Variants in MECOM observed in about 807,000 individuals in gnomAD.
The protein encoded by MECOM is histone-lysine N-methyltransferase MECOM.
MECOM carries 13 observed loss-of-function variants against 116.3 expected under a neutral mutation model. That is an observed-to-expected ratio of 0.11 (90% CI 0.07 to 0.18). The LOEUF is 0.18. Ranked by LOEUF, MECOM falls within the 10% of genes least tolerant of loss-of-function variation. MECOM has a pLI of 1.00. For synonymous variants in MECOM, 528 were observed against 535.2 expected (o/e 0.99, Z 0.19); for missense variants, 1,299 against 1,509.0 (o/e 0.86, Z 2.31).
intron 1 of MECOM, among the ~76,000 whole-genome samples, chr3:169,612,907 G>A (rs1769461626): frequency 6.6e-6 from 1 of 152,210 alleles, no homozygotes; most frequent in East Asian, 1.9e-4. Context: ...ATTTTCAGCT[G>A]GACTCATCAT....
intron 1 of MECOM, among the ~76,000 whole-genome samples, chr3:169,622,365 T>C (rs758388990): frequency 1.3e-5 from 2 of 152,192 alleles, no homozygotes; most frequent in Non-Finnish European, 2.9e-5. Flanking sequence ...GTGCTGAGAT[T>C]ACAGGGTATG....
intron 8 of MECOM, 49 bp downstream of exon 8, chr3:169,115,334 C>T (rs761272897): frequency 2.0e-5 from 31 of 1,555,898 alleles, no homozygotes; most frequent in South Asian, 1.2e-4. Flanking sequence ...GTGGAAATAC[C>T]GCCTTTCATA....
chr3:169,427,312 TG>T (rs1740895536), intron 1 of MECOM, among the ~76,000 whole-genome samples: 1 of 152,140 alleles, frequency 6.6e-6, no homozygotes, highest in South Asian at 2.1e-4. Flanking sequence ...ATAATAGCTT[TG>T]TATTTTGTTA....
intron 1 of MECOM, among the ~76,000 whole-genome samples, chr3:169,631,363 G>A (rs750928378): frequency 9.9e-5 from 15 of 152,198 alleles, no homozygotes; most frequent in Non-Finnish European, 1.6e-4. Flanking sequence ...TAAAAAGAGA[G>A]AAGACAAAAC....
chr3:169,440,603 G>A (rs79093894), intron 1 of MECOM, among the ~76,000 whole-genome samples: 6,264 of 152,086 alleles, frequency 0.041, 158 homozygotes, highest in East Asian at 0.059. Flanking sequence ...TAAATAGTTT[G>A]CAATTGAGTG....
In MECOM at chr3:169,663,427, T is replaced by A; in HGVS notation, c.-55A>T. ...GTGGTTGGGGCTTTTTTTTCTTGGA[T>A]CCTTTCCTTCTTTTGCTCTCCCTCT... On this transcript the variant is annotated 5_prime_UTR_variant, in exon 1 of 17. Coordinates refer to ENST00000651503, the MANE Select transcript of MECOM (RefSeq NM_004991.4). 3.2e-6 allele frequency: 5 copies of A among 1,568,962 alleles called. No individual in the cohort carries two copies. In the South Asian group the frequency reaches 5.8e-5, roughly 18 times the overall value.
intron 1 of MECOM, among the ~76,000 whole-genome samples, chr3:169,626,981 G>T (rs1012605456): frequency 6.6e-6 from 1 of 152,016 alleles, no homozygotes; most frequent in Admixed American, 6.6e-5. Flanking sequence ...GCTATATGAG[G>T]GTTATGTGAA....
chr3:169,472,930 T>C (rs1749789318), intron 1 of MECOM: 1 of 973,442 alleles, frequency 1.0e-6, no homozygotes, highest in Non-Finnish European at 1.2e-6. Flanking sequence ...AATCAAAATA[T>C]TTACTAGGCC....
chr3:169,552,743 G>A (rs944731003), intron 1 of MECOM, among the ~76,000 whole-genome samples: 1 of 149,430 alleles, frequency 6.7e-6, no homozygotes, highest in African/African-American at 2.5e-5. Flanking sequence ...CAAATCCAGA[G>A]ACTGGTCTAT....
chr3:169,388,251 A>C (rs895102324), intron 1 of MECOM, among the ~76,000 whole-genome samples: 5 of 152,132 alleles, frequency 3.3e-5, no homozygotes, highest in African/African-American at 1.2e-4. Context: ...TTAAAACTGG[A>C]CATGCTCTTC....
At chr3:169,584,358 G>C (rs556426871) in intron 1 of MECOM, among the ~76,000 whole-genome samples, 1 of 151,436 alleles carries the variant, frequency 6.6e-6, no homozygotes, top group Non-Finnish European at 1.5e-5. Context: ...GAGGTCTGGA[G>C]ATAGAGACCA....
chr3:169,628,771 G>T (rs569713990), intron 1 of MECOM, among the ~76,000 whole-genome samples: 2 of 152,300 alleles, frequency 1.3e-5, no homozygotes, highest in East Asian at 3.9e-4. Flanking sequence ...AGGAGCTCAG[G>T]GGGAGGAGCA....
At chr3:169,140,792 T>C (rs185897574) in intron 3 of MECOM, among the ~76,000 whole-genome samples, 1 of 134,836 alleles carries the variant, frequency 7.4e-6, no homozygotes. Context: ...ATGGGGAAAG[T>C]GGTAACTGGG....
At chr3:169,148,753 A>G (rs1411366715) in intron 2 of MECOM, among the ~76,000 whole-genome samples, 2 of 152,212 alleles carry the variant, frequency 1.3e-5, no homozygotes, top group Non-Finnish European at 2.9e-5. Context: ...AATCCAGTAG[A>G]ACTATATTTT....
rs957491859 is a variant in MECOM at position 169,308,221 on chromosome 3, T to C, written c.375+72966A>G. On this transcript the variant is annotated intron_variant, in intron 2 of 16. Coordinates refer to ENST00000651503, the MANE Select transcript of MECOM (RefSeq NM_004991.4). ...CAAGTGCTGGGCCTATGTATTTTACTATTGTGCTGCTGGTACACCAAGTTA... is the reference window on the plus strand; with the variant it reads ...CAAGTGCTGGGCCTATGTATTTTACCATTGTGCTGCTGGTACACCAAGTTA... Among the ~76,000 whole-genome samples, 3 of 152,240 alleles carry C rather than the reference T, an allele frequency of 2.0e-5. No individual in the cohort carries two copies. In the South Asian group the frequency reaches 6.2e-4, roughly 32 times the overall value.
rs114667611 is a variant in MECOM, at chr3:169,496,455, C to T, written c.38-114931G>A. Among the ~76,000 whole-genome samples, 286 of 152,196 alleles carry T rather than the reference C, an allele frequency of 1.9e-3. 4 individuals carry two copies. The highest frequency in any genetic ancestry group is 6.6e-3 in the African/African-American group (275 of 41,516). On this transcript the variant is annotated intron_variant, in intron 1 of 16. Coordinates refer to ENST00000651503, the MANE Select transcript of MECOM (RefSeq NM_004991.4). ...TTTTAAGAATCACCATGATCCATAC[C>T]TCATTTGAGATCAAGTGAATCGTCA...
chr3:169,183,179 A>G (rs904259906), intron 2 of MECOM, among the ~76,000 whole-genome samples: 2 of 152,194 alleles, frequency 1.3e-5, no homozygotes, highest in African/African-American at 4.8e-5. Context: ...TGCTGTTGCT[A>G]CTGTTACCCT....
rs559427015 is a variant in MECOM at position 169,173,401 on chromosome 3, A to G, written c.376-29569T>C. Among the ~76,000 whole-genome samples, 6 of 152,088 alleles carry G rather than the reference A, an allele frequency of 3.9e-5. No individual in the cohort carries two copies. The East Asian group carries it at 7.8e-4, about 20-fold the overall frequency. ...AGCTTTAATCCTCCCTCTCTCCCCA[A>G]TGCTGGTAATTCCCTGACAATACTT... On this transcript the variant is annotated intron_variant, in intron 2 of 16. Coordinates refer to ENST00000651503, the MANE Select transcript of MECOM (RefSeq NM_004991.4).
rs1364561473 is a variant in MECOM at position 169,472,994 on chromosome 3, A to G, written c.38-91470T>C. 3 of 982,380 alleles carry G rather than the reference A, an allele frequency of 3.1e-6. No homozygotes were observed. In the East Asian group the frequency reaches 3.4e-4, roughly 112 times the overall value. The allele number at this position is 982,380 out of a possible 1,614,324, so 60.9% of individuals were successfully genotyped here. ...AATATGTAGACACCACCCAGATACC[A>G]TGCCAAATGTCAAAGATTTTTAAAT... On this transcript the variant is annotated intron_variant, in intron 1 of 16. Coordinates refer to ENST00000651503, the MANE Select transcript of MECOM (RefSeq NM_004991.4).
Sources: allele counts gnomAD v4.1 joint callset (sites outside exome capture counted in the v4.1 genomes callset), GRCh38; gene constraint gnomAD v4.1.1; transcripts MANE v1.5; gene names NCBI Gene and HGNC (gene_info 2026-07-23, HGNC 2026-07-21).